The following ZYG11B variants were observed in gnomAD, a reference collection of about 807,000 sequenced individuals.
ZYG11B encodes the protein protein zyg-11 homolog B.
In ZYG11B, 36 loss-of-function variants were observed where a neutral mutation model predicts 82.4. The observed-to-expected ratio is 0.44, with a 90% CI of 0.33 to 0.58. The LOEUF (loss-of-function observed/expected upper bound fraction) is 0.58, where lower values mean the gene tolerates loss of function less well. Ranked by LOEUF, ZYG11B falls within the 20% of genes least tolerant of loss-of-function variation. The pLI is 0.02. For missense variants in ZYG11B, 552 were observed against 895.6 expected (o/e 0.62, Z 4.90); for synonymous variants, 303 against 312.8 (o/e 0.97, Z 0.33).
chr1:52,739,043 A>G (rs1644401282), intron 1 of ZYG11B, among the ~76,000 whole-genome samples: 1 of 139,584 alleles, frequency 7.2e-6, no homozygotes, highest in South Asian at 2.3e-4. Context: ...GCGCAGTGAC[A>G]CGATCTTGGC....
At chr1:52,796,702 G>T in intron 7 of ZYG11B, 32 bp from the exon 8 acceptor site, 1 of 1,573,116 alleles carries the variant, frequency 6.4e-7, no homozygotes, top group East Asian at 2.3e-5. Context: ...ATGAGTTCTT[G>T]GACATTGAAT....
At chr1:52,757,871 A>G (rs933881557) in intron 2 of ZYG11B, among the ~76,000 whole-genome samples, 41 of 152,168 alleles carry the variant, frequency 2.7e-4, no homozygotes, top group African/African-American at 9.4e-4. Flanking sequence ...TTGCTTATGT[A>G]TGGAGTATTT....
intron 1 of ZYG11B, among the ~76,000 whole-genome samples, chr1:52,755,869 G>A (rs970695997): frequency 5.9e-5 from 9 of 151,394 alleles, no homozygotes; most frequent in Non-Finnish European, 1.3e-4. Flanking sequence ...GCATAATCTC[G>A]GCTCACTACA....
intron 1 of ZYG11B, among the ~76,000 whole-genome samples, chr1:52,743,940 C>CT (rs71246234): frequency 0.069 from 10,320 of 148,768 alleles, 548 homozygotes; most frequent in African/African-American, 0.15. Context: ...TCTTTTCTTT[C>CT]TTTTTTTTTT....
intron 10 of ZYG11B, 52 bp from the exon 11 acceptor site, chr1:52,813,484 C>T: frequency 7.2e-7 from 1 of 1,385,682 alleles, no homozygotes; most frequent in South Asian, 1.4e-5. Flanking sequence ...GTTATCTTAA[C>T]CATTTACTAT....
Position 52,801,738 on chromosome 1 carries a change from A to G in ZYG11B, c.1486-81A>G, listed in dbSNP as rs1013075877. On this transcript the variant is annotated intron_variant, in intron 8 of 13. Transcript: ENST00000294353. ...GCTTTAAGCCATGAGACTAATCCTCATGGACTTGGGGTTATTAATCACCAC... is the reference window on the plus strand; with the variant it reads ...GCTTTAAGCCATGAGACTAATCCTCGTGGACTTGGGGTTATTAATCACCAC... The G allele has an allele frequency of 4.2e-6, 5 of 1,194,330 alleles. No homozygotes were observed. The African/African-American group carries it at 7.7e-5, about 18-fold the overall frequency. The allele number at this position is 1,194,330 out of a possible 1,614,324, so 74.0% of individuals were successfully genotyped here.
At chr1:52,805,449 C>T (rs1645134242) in intron 10 of ZYG11B, 1 of 455,574 alleles carries the variant, frequency 2.2e-6, no homozygotes, top group Non-Finnish European at 4.4e-6. Flanking sequence ...AAATAAATTA[C>T]AGCATTTGAT....
rs368578256 is a variant in ZYG11B, at chr1:52,766,947, G to T, written c.197-4073G>T. On this transcript the variant is annotated intron_variant, in intron 2 of 13. Coordinates refer to ENST00000294353, the MANE Select transcript of ZYG11B (RefSeq NM_024646.3). ...GGTGTGAACCCGGGAGGTAGAGCTT[G>T]CAGTGAGCCCAGATCGCGCCACTGC... 4.6e-5 allele frequency among the ~76,000 whole-genome samples: 7 copies of T among 151,450 alleles called. No individual in the cohort carries two copies. In the East Asian group the frequency reaches 1.4e-3, roughly 29 times the overall value.
At chr1:52,786,020 G>C (rs1209462655) in intron 5 of ZYG11B, among the ~76,000 whole-genome samples, 1 of 152,120 alleles carries the variant, frequency 6.6e-6, no homozygotes, top group Non-Finnish European at 1.5e-5. Flanking sequence ...CTATAAATAA[G>C]TCTGCCTATG....
rs1644578434 is a variant in ZYG11B at position 52,756,538 on chromosome 1, A to G, written c.111A>G (p.Arg37=). Residue 37 remains arginine, a synonymous_variant, in exon 2 of 14, where the codon AGA becomes AGG. Transcript: ENST00000294353. ...ACCTTGAGAAGTTCTGTTCAGCCAGACAAGATGGAACATTGTGTCTGCAGG... is the reference window on the plus strand; with the variant it reads ...ACCTTGAGAAGTTCTGTTCAGCCAGGCAAGATGGAACATTGTGTCTGCAGG... ...TTHLEKFCSA[R]QDGTLCLQEP... 2 of 1,614,032 alleles carry G rather than the reference A, an allele frequency of 1.2e-6. No homozygotes were observed. Among genetic ancestry groups the G allele is most frequent in the East Asian group, 2.2e-5 (1 of 44,882 alleles).
intron 6 of ZYG11B, among the ~76,000 whole-genome samples, chr1:52,793,486 C>T (rs781644640): frequency 2.0e-5 from 3 of 152,194 alleles, no homozygotes; most frequent in East Asian, 3.9e-4. Flanking sequence ...AGTGAAACTC[C>T]GTCTCAAAAA....
intron 2 of ZYG11B, among the ~76,000 whole-genome samples, chr1:52,757,745 T>C (rs754577287): frequency 6.6e-6 from 1 of 152,044 alleles, no homozygotes; most frequent in Non-Finnish European, 1.5e-5. Context: ...ATTACTGTTA[T>C]GGAAAAACTA....
At chr1:52,727,792 G>A (rs921046286) in intron 1 of ZYG11B, among the ~76,000 whole-genome samples, 1 of 152,070 alleles carries the variant, frequency 6.6e-6, no homozygotes, top group African/African-American at 2.4e-5. Flanking sequence ...TTTTTTCATT[G>A]AGTTGGGTTA....
chr1:52,736,939 A>G lies in ZYG11B; in HGVS notation c.30+10256A>G, dbSNP rs148566265. 7.2e-4 allele frequency among the ~76,000 whole-genome samples: 109 copies of G among 151,460 alleles called. 2 individuals carry two copies. The highest frequency in any genetic ancestry group is 6.8e-3 in the Admixed American group (103 of 15,202). On this transcript the variant is annotated intron_variant, in intron 1 of 13. Coordinates refer to ENST00000294353, the MANE Select transcript of ZYG11B (RefSeq NM_024646.3). ...GGACCTTTATGATCTGATCTTTTTTACTGCTTTAGCCTTATTTCTCATTTT... is the reference window on the plus strand; with the variant it reads ...GGACCTTTATGATCTGATCTTTTTTGCTGCTTTAGCCTTATTTCTCATTTT...
At chr1:52,730,685 A>G (rs1261740281) in intron 1 of ZYG11B, among the ~76,000 whole-genome samples, 2 of 152,056 alleles carry the variant, frequency 1.3e-5, no homozygotes, top group African/African-American at 4.8e-5. Context: ...GTGCTGAAAA[A>G]GGACAAGTTG....
chr1:52,755,724 C>G (rs552152525), intron 1 of ZYG11B, among the ~76,000 whole-genome samples: 3 of 152,050 alleles, frequency 2.0e-5, no homozygotes, highest in East Asian at 1.9e-4. Flanking sequence ...AGGCTGGTCT[C>G]GAACTCCCGA....
intron 2 of ZYG11B, among the ~76,000 whole-genome samples, chr1:52,765,662 C>A (rs551841055): frequency 1.3e-5 from 2 of 152,044 alleles, no homozygotes; most frequent in African/African-American, 4.8e-5. Flanking sequence ...CCACCATGCC[C>A]GACTAATTAA....
Position 52,756,442 on chromosome 1 carries a change from T to C in ZYG11B, c.31-16T>C. The C allele has an allele frequency of 6.3e-7, 1 of 1,593,596 alleles. No individual in the cohort carries two copies. The highest frequency in any genetic ancestry group is 8.6e-7 in the Non-Finnish European group (1 of 1,169,266). On this transcript the variant is annotated splice_polypyrimidine_tract_variant and intron_variant, in intron 1 of 13. Transcript: ENST00000294353. ...TGGTTTTTGTGTTTCTTTTATATTT[T>C]TCCCTGGGCTCCAAGGAGGAGGCGT...
intron 3 of ZYG11B, among the ~76,000 whole-genome samples, chr1:52,777,022 C>T (rs1462005027): frequency 6.6e-6 from 1 of 151,954 alleles, no homozygotes; most frequent in Non-Finnish European, 1.5e-5. Context: ...CCAGCCTGGC[C>T]AACATGACGA....
Sources: gnomAD v4.1 joint callset for allele counts (sites outside exome capture counted in the v4.1 genomes callset) on GRCh38, gnomAD v4.1.1 for gene constraint, MANE v1.5 for transcripts, NCBI Gene and HGNC (gene_info 2026-07-23, HGNC 2026-07-21) for gene names.